GULP1: variants seen among roughly 807,000 people sequenced by gnomAD.
The protein encoded by GULP1 is GULP PTB domain containing engulfment adaptor 1, also known as PTB domain-containing engulfment adapter protein 1.
A neutral mutation model predicts 40.9 loss-of-function variants in GULP1; 19 were observed. That is an observed-to-expected ratio of 0.46 (90% CI 0.32 to 0.68). The LOEUF is 0.68. Ranked by LOEUF, GULP1 falls within the 30% of genes least tolerant of loss-of-function variation. The pLI is 0.03. For missense variants in GULP1, 312 were observed against 362.2 expected, an observed-to-expected ratio of 0.86 and a Z score of 1.12; for synonymous variants, 119 against 117.6, an observed-to-expected ratio of 1.01 and a Z score of -0.08.
At position 188,594,100 on chromosome 2, in the gene GULP1, T is replaced by C. The variant is rs1704110499; in HGVS notation, c.*89T>C. The C allele has an allele frequency of 4.3e-6, 3 of 703,470 alleles. No homozygotes were observed. The highest frequency in any genetic ancestry group is 4.2e-5 in the South Asian group (2 of 47,544). The allele number at this position is 703,470 out of a possible 1,614,324, so 43.6% of individuals were successfully genotyped here. On this transcript the variant is annotated 3_prime_UTR_variant, in exon 12 of 12. Coordinates refer to ENST00000409830, the MANE Select transcript of GULP1 (RefSeq NM_016315.4). ...ATTACTTTAAGATAGGTATTATTCA[T>C]GTGTCAATGTTTTTGAATATTTTAA...
chr2:188,428,960 G>A (rs2056545997), intron 2 of GULP1, among the ~76,000 whole-genome samples: 1 of 151,938 alleles, frequency 6.6e-6, no homozygotes, highest in Non-Finnish European at 1.5e-5. Context: ...GCACTGCCTA[G>A]CTCTGATGAT....
At chr2:188,306,796 G>A (rs2037168439) in intron 1 of GULP1, among the ~76,000 whole-genome samples, 2 of 152,194 alleles carry the variant, frequency 1.3e-5, no homozygotes, top group African/African-American at 4.8e-5. Context: ...CATCATCTAC[G>A]TTTTAGAAAG....
intron 2 of GULP1, among the ~76,000 whole-genome samples, chr2:188,441,050 C>A (rs1470350894): frequency 6.9e-6 from 1 of 144,258 alleles, no homozygotes; most frequent in East Asian, 2.1e-4. Context: ...TTTGGGATAG[C>A]ATTCTAAGCT....
At chr2:188,322,316 G>T (rs770801536) in intron 1 of GULP1, among the ~76,000 whole-genome samples, 3 of 151,596 alleles carry the variant, frequency 2.0e-5, no homozygotes, top group Non-Finnish European at 4.4e-5. Context: ...TTTTTTAGGG[G>T]TAGAGGAAGA....
In GULP1 at chr2:188,570,086, A is replaced by C. The variant is rs752906524; in HGVS notation, c.575A>C (p.Asn192Thr). 13 of 1,476,054 alleles carry C rather than the reference A, an allele frequency of 8.8e-6. No individual in the cohort carries two copies. The highest frequency in any genetic ancestry group is 1.2e-5 in the Non-Finnish European group (13 of 1,066,862). 91.4% of individuals were successfully genotyped at this position (1,476,054 alleles called of 1,614,324 possible). A position where few individuals can be genotyped will look rare whatever the true frequency, so the allele number is the denominator to read the frequency against. Residue 192 changes from asparagine to threonine, a missense_variant, in exon 9 of 12, where the codon AAC becomes ACC. By Grantham distance (65) the Asn-to-Thr change is moderately conservative. Transcript: ENST00000409830. Reference sequence around the variant, plus strand: ...AAAAATAAAGTACAAGATTTGGAAAACCAACTGAGAATAACTCAAGTATCA... The same window carrying C: ...AAAAATAAAGTACAAGATTTGGAAACCCAACTGAGAATAACTCAAGTATCA... ...ELKNKVQDLE[N>T]QLRITQVSAP...
intron 7 of GULP1, among the ~76,000 whole-genome samples, chr2:188,558,175 T>G (rs2153400715): frequency 6.6e-6 from 1 of 152,040 alleles, no homozygotes; most frequent in East Asian, 1.9e-4. Context: ...ACGGTTTGGC[T>G]CTGTGTCCCC....
At chr2:188,446,116 A>G (rs2058362680) in intron 2 of GULP1, among the ~76,000 whole-genome samples, 1 of 152,174 alleles carries the variant, frequency 6.6e-6, no homozygotes, top group African/African-American at 2.4e-5. Context: ...TCTCATCAGG[A>G]GACCAATTTT....
chr2:188,337,709 C>T (rs887759561), intron 1 of GULP1, among the ~76,000 whole-genome samples: 2 of 152,000 alleles, frequency 1.3e-5, no homozygotes, highest in African/African-American at 4.8e-5. Context: ...GCTCACAGAA[C>T]CAGCTTTATA....
At chr2:188,561,544 T>C (rs1003281312) in intron 7 of GULP1, among the ~76,000 whole-genome samples, 2 of 152,084 alleles carry the variant, frequency 1.3e-5, no homozygotes, top group Non-Finnish European at 2.9e-5. Flanking sequence ...ATGTGGTGGA[T>C]TGGGTTGGGT....
At chr2:188,481,603 CAG>C (rs1166664926) in intron 3 of GULP1, among the ~76,000 whole-genome samples, 2 of 151,850 alleles carry the variant, frequency 1.3e-5, no homozygotes, top group African/African-American at 4.8e-5. Context: ...GAGTCTGTAA[CAG>C]AGGCATTTTC....
intron 1 of GULP1, among the ~76,000 whole-genome samples, chr2:188,362,523 A>G (rs762888518): frequency 6.6e-6 from 1 of 152,124 alleles, no homozygotes; most frequent in Non-Finnish European, 1.5e-5. Flanking sequence ...ATTCTTTTTG[A>G]CACTGAACAG....
chr2:188,368,939 G>GTGTGTATATATATA (rs1272494109), intron 1 of GULP1, among the ~76,000 whole-genome samples: 11 of 86,076 alleles, frequency 1.3e-4, no homozygotes, highest in African/African-American at 2.9e-4. Context: ...ATATATGTGT[G>GTGTGTATATATATA]TATATATATA....
chr2:188,462,966 T>C (rs1255464807), intron 2 of GULP1, among the ~76,000 whole-genome samples: 1 of 152,140 alleles, frequency 6.6e-6, no homozygotes, highest in Admixed American at 6.5e-5. Context: ...TTATATCTTA[T>C]TGTTCCATTT....
chr2:188,326,501 C>T (rs1047074708), intron 1 of GULP1, among the ~76,000 whole-genome samples: 15 of 152,000 alleles, frequency 9.9e-5, no homozygotes, highest in Admixed American at 3.3e-4. Context: ...AGCCTGGCAC[C>T]GAGTAGCCCC....
At position 188,539,350 on chromosome 2, in the gene GULP1, G is replaced by A. The variant is rs370301342; in HGVS notation, c.262-1831G>A. On this transcript the variant is annotated intron_variant, in intron 6 of 11. Coordinates refer to ENST00000409830, the MANE Select transcript of GULP1 (RefSeq NM_016315.4). The stretch of plus-strand genomic sequence containing the variant: ...CTCCTGTCAGTATTTGGGAGCTATC[G>A]TGTAACAGAGAGCTGTTATTTAATT... Among the ~76,000 whole-genome samples the A allele has an allele frequency of 5.3e-5, 8 of 152,126 alleles. No individual in the cohort carries two copies. In the East Asian group the frequency reaches 1.3e-3, roughly 26 times the overall value.
chr2:188,572,670 T>G (rs1177244652), intron 9 of GULP1, among the ~76,000 whole-genome samples: 1 of 152,222 alleles, frequency 6.6e-6, no homozygotes, highest in South Asian at 2.1e-4. Flanking sequence ...ATCATATGAT[T>G]TTTTAAATTG....
At chr2:188,387,108 T>G (rs1293161530) in intron 2 of GULP1, among the ~76,000 whole-genome samples, 1 of 151,998 alleles carries the variant, frequency 6.6e-6, no homozygotes, top group Non-Finnish European at 1.5e-5. Flanking sequence ...TGGTGGCAAG[T>G]GCCTGTAATC....
chr2:188,494,481 T>C, intron 4 of GULP1, among the ~76,000 whole-genome samples: 1 of 151,974 alleles, frequency 6.6e-6, no homozygotes, highest in South Asian at 2.1e-4. Flanking sequence ...CTATAACAAT[T>C]GGTAAATGCT....
chr2:188,372,123 T>C (rs2047681091), intron 1 of GULP1, among the ~76,000 whole-genome samples: 1 of 152,120 alleles, frequency 6.6e-6, no homozygotes, highest in Non-Finnish European at 1.5e-5. Context: ...GGCAGTATTA[T>C]CTTCATTAAC....
Sources: allele counts gnomAD v4.1 joint callset (sites outside exome capture counted in the v4.1 genomes callset), GRCh38; gene constraint gnomAD v4.1.1; transcripts MANE v1.5; gene names NCBI Gene and HGNC (gene_info 2026-07-23, HGNC 2026-07-21).